The following ZBTB16 variants were observed in gnomAD, a reference collection of about 807,000 sequenced individuals.
The protein encoded by ZBTB16 is zinc finger and BTB domain-containing protein 16.
A neutral mutation model predicts 56.8 loss-of-function variants in ZBTB16; 8 were observed. That is an observed-to-expected ratio of 0.14 (90% CI 0.08 to 0.25). The LOEUF (loss-of-function observed/expected upper bound fraction) is 0.25, where lower values mean the gene tolerates loss of function less well. ZBTB16 is among the 10% of genes least tolerant of loss of function. The probability of loss-of-function intolerance (pLI) is 1.00; values close to 1 mark genes in which losing one functional copy is unlikely to be tolerated. For missense variants in ZBTB16, 625 were observed against 903.0 expected (o/e 0.69, Z 3.95); for synonymous variants, 363 against 368.5 (o/e 0.98, Z 0.17).
chr11:114,202,219 G>C (rs933508439), intron 4 of ZBTB16, among the ~76,000 whole-genome samples: 4 of 152,236 alleles, frequency 2.6e-5, no homozygotes, highest in Non-Finnish European at 5.9e-5. Context: ...ACACCTGGAG[G>C]GGGTGACAGA....
At chr11:114,242,482 G>C (rs936830823) in intron 5 of ZBTB16, 145 bp downstream of exon 5, 1 of 1,218,140 alleles carries the variant, frequency 8.2e-7, no homozygotes, top group Non-Finnish European at 1.2e-6. Flanking sequence ...GCTGCCCGTC[G>C]TGCAGGTAAA....
chr11:114,079,371 CT>C (rs1470917864), intron 2 of ZBTB16, among the ~76,000 whole-genome samples: 1 of 152,134 alleles, frequency 6.6e-6, no homozygotes, highest in African/African-American at 2.4e-5. Context: ...CCAGTGAAAT[CT>C]TTTGTTTTGG....
chr11:114,060,064 T>G lies in ZBTB16; in HGVS notation c.-91+182T>G. Among the ~76,000 whole-genome samples, 1 of 151,942 alleles carries G rather than the reference T, an allele frequency of 6.6e-6. No individual in the cohort carries two copies. The highest frequency in any genetic ancestry group is 2.4e-5 in the African/African-American group (1 of 41,342). On this transcript the variant is annotated intron_variant, in intron 1 of 6. Transcript: ENST00000335953. The surrounding 1 kb of genome is among the most constrained non-coding windows in gnomAD (Gnocchi z 6.0). ...AGCCGTCGCCGCCACCGGTTGGGGGTCGGCTAGAAGGGGGAGCCCCGGCTG... is the reference window on the plus strand; with the variant it reads ...AGCCGTCGCCGCCACCGGTTGGGGGGCGGCTAGAAGGGGGAGCCCCGGCTG...
intron 3 of ZBTB16, among the ~76,000 whole-genome samples, chr11:114,157,944 G>T (rs1308319719): frequency 6.6e-6 from 1 of 151,948 alleles, no homozygotes; most frequent in Non-Finnish European, 1.5e-5. Flanking sequence ...TCTCACCTCA[G>T]CCCAGAGCCC....
chr11:114,199,450 C>T (rs757660250), intron 4 of ZBTB16, among the ~76,000 whole-genome samples: 17 of 152,370 alleles, frequency 1.1e-4, no homozygotes, highest in Admixed American at 5.9e-4. Flanking sequence ...CCATGGATGC[C>T]GCTGGGCAGT....
intron 2 of ZBTB16, among the ~76,000 whole-genome samples, chr11:114,088,692 A>G (rs913453678): frequency 6.6e-6 from 1 of 152,238 alleles, no homozygotes; most frequent in Non-Finnish European, 1.5e-5. Context: ...CATTGTGCTA[A>G]GGGTTAACTA....
At chr11:114,183,271 C>T (rs533277876) in intron 3 of ZBTB16, among the ~76,000 whole-genome samples, 14 of 152,254 alleles carry the variant, frequency 9.2e-5, no homozygotes, top group African/African-American at 3.4e-4. Context: ...GTGACTTCAG[C>T]GAGGTGGGGG....
rs1168507432 is a variant in ZBTB16, at chr11:114,235,774, TTCCTTCCTTCCTTCTCC to T, written c.1454-6391_1454-6375del. ...CTTCCTTCCTTCCTTCCTTCGTTCC[TTCCTTCCTTCCTTCTCC>T]TTTTTTTTTTTTTTGCTAAAATTAA... is the stretch of plus-strand genomic sequence containing the variant. On this transcript the variant is annotated intron_variant, in intron 4 of 6. Transcript: ENST00000335953. 1.4e-3 allele frequency among the ~76,000 whole-genome samples: 212 copies of T among 147,190 alleles called. 2 individuals carry two copies. The highest frequency in any genetic ancestry group is 5.5e-3 in the African/African-American group (208 of 37,980).
intron 2 of ZBTB16, among the ~76,000 whole-genome samples, chr11:114,087,675 T>C (rs1303944875): frequency 6.6e-6 from 1 of 152,158 alleles, no homozygotes; most frequent in Non-Finnish European, 1.5e-5. Flanking sequence ...AGAGTAGGGC[T>C]CTGATGGGGT....
chr11:114,205,266 C>T (rs564904126), intron 4 of ZBTB16, among the ~76,000 whole-genome samples: 17 of 152,076 alleles, frequency 1.1e-4, no homozygotes, highest in African/African-American at 2.7e-4. Context: ...AAAAATTAGC[C>T]GGGCGTAGTG....
At chr11:114,163,180 C>T (rs1054633187) in intron 3 of ZBTB16, among the ~76,000 whole-genome samples, 1 of 150,954 alleles carries the variant, frequency 6.6e-6, no homozygotes, top group East Asian at 2.0e-4. Flanking sequence ...TACTCTCCCC[C>T]CAACCCGTCC....
intron 4 of ZBTB16, among the ~76,000 whole-genome samples, chr11:114,197,208 A>G (rs1391722635): frequency 1.3e-5 from 2 of 152,178 alleles, no homozygotes; most frequent in African/African-American, 4.8e-5. Context: ...AGGGGAAGCC[A>G]CTCAACCAGA....
At chr11:114,077,794 C>G (rs1215528639) in intron 2 of ZBTB16, among the ~76,000 whole-genome samples, 1 of 152,196 alleles carries the variant, frequency 6.6e-6, no homozygotes, top group African/African-American at 2.4e-5. Context: ...AGGGTTGCAA[C>G]TGAAGAAAAG....
At chr11:114,149,593 TA>T (rs749786560) in intron 2 of ZBTB16, among the ~76,000 whole-genome samples, 1 of 152,204 alleles carries the variant, frequency 6.6e-6, no homozygotes, top group Admixed American at 6.5e-5. Context: ...AGAGCTGTAT[TA>T]AAAAATAAAT....
At chr11:114,201,066 G>A (rs1024987228) in intron 4 of ZBTB16, among the ~76,000 whole-genome samples, 4 of 152,140 alleles carry the variant, frequency 2.6e-5, no homozygotes, top group Admixed American at 1.3e-4. Flanking sequence ...TTTGCCTATC[G>A]CTTTCTGCTC....
chr11:114,210,664 G>A (rs1450478049), intron 4 of ZBTB16: 1 of 173,094 alleles, frequency 5.8e-6, no homozygotes. Flanking sequence ...GCCGGGGCTA[G>A]TTTAGAATCT....
At chr11:114,179,393 G>A (rs370976971) in intron 3 of ZBTB16, among the ~76,000 whole-genome samples, 2 of 152,120 alleles carry the variant, frequency 1.3e-5, no homozygotes, top group South Asian at 2.1e-4. Flanking sequence ...GCTGTTCTCC[G>A]TCTGATAAGA....
intron 2 of ZBTB16, among the ~76,000 whole-genome samples, chr11:114,154,874 C>T (rs1490711075): frequency 6.6e-6 from 1 of 152,180 alleles, no homozygotes; most frequent in African/African-American, 2.4e-5. Context: ...GAAGGCCGTA[C>T]ACAGTGGATA....
At chr11:114,165,701 C>T (rs930127444) in intron 3 of ZBTB16, among the ~76,000 whole-genome samples, 2 of 152,132 alleles carry the variant, frequency 1.3e-5, no homozygotes, top group Non-Finnish European at 2.9e-5. Flanking sequence ...AGGCCTGAAG[C>T]TTCAGCTTTA....
Sources: allele counts gnomAD v4.1 joint callset (sites outside exome capture counted in the v4.1 genomes callset), GRCh38; gene constraint gnomAD v4.1.1; non-coding constraint Gnocchi (gnomAD v3.1); transcripts MANE v1.5; gene names NCBI Gene and HGNC (gene_info 2026-07-23, HGNC 2026-07-21).